The following CACNG1 variants were observed in gnomAD, a reference collection of about 807,000 sequenced individuals.
CACNG1 encodes the protein voltage-dependent calcium channel gamma-1 subunit.
Under a neutral mutation model 22.0 loss-of-function variants are expected in CACNG1, and 21 were observed. The observed-to-expected ratio is 0.95, with a 90% CI of 0.68 to 1.37. The LOEUF (loss-of-function observed/expected upper bound fraction) is 1.37, where lower values mean the gene tolerates loss of function less well. CACNG1 is among the 40% of genes most tolerant of loss of function. The pLI, the probability that CACNG1 is intolerant of heterozygous loss-of-function variation, is 0.00. For synonymous variants in CACNG1, 127 were observed against 129.2 expected, an observed-to-expected ratio of 0.98 and a Z score of 0.12; for missense variants, 291 against 308.6, an observed-to-expected ratio of 0.94 and a Z score of 0.43.
At chr17:67,045,725 G>T (rs1274138010) in intron 1 of CACNG1, among the ~76,000 whole-genome samples, 1 of 152,002 alleles carries the variant, frequency 6.6e-6, no homozygotes, top group Non-Finnish European at 1.5e-5. Flanking sequence ...GTTTCACCAT[G>T]TTGGTCAGGC....
rs754220584 is a variant in CACNG1 at position 67,044,908 on chromosome 17, G to A, written c.229+19G>A. On this transcript the variant is annotated intron_variant, in intron 1 of 3. Coordinates refer to ENST00000226021, the MANE Select transcript of CACNG1 (RefSeq NM_000727.4). The surrounding 1 kb of genome is among the most constrained non-coding windows in gnomAD (Gnocchi z 6.9). The stretch of plus-strand genomic sequence containing the variant: ...CCCGGGGGTAACGTACCCACCCTCC[G>A]TCCCGATCCCCACCTCCTGCTCTTC... The A allele has an allele frequency of 1.8e-5, 29 of 1,583,648 alleles. No homozygotes were observed. The highest frequency in any genetic ancestry group is 1.7e-4 in the Middle Eastern group (1 of 6,014).
Position 67,045,293 on chromosome 17 carries a change from C to A in CACNG1, c.229+404C>A, listed in dbSNP as rs78382300. On this transcript the variant is annotated intron_variant, in intron 1 of 3. Coordinates refer to ENST00000226021, the MANE Select transcript of CACNG1 (RefSeq NM_000727.4). The stretch of plus-strand genomic sequence containing the variant: ...TGGGGCTGGCAGGTTTGTTCCTGGC[C>A]TCAAGGCAGGAGAGGAGAGAGCATA... Among the ~76,000 whole-genome samples the A allele has an allele frequency of 3.1e-3, 476 of 152,262 alleles. 2 individuals carry two copies. Among genetic ancestry groups the A allele is most frequent in the African/African-American group, 0.011 (454 of 41,542 alleles).
chr17:67,045,985 G>A (rs1376103054), intron 1 of CACNG1, among the ~76,000 whole-genome samples: 2 of 152,250 alleles, frequency 1.3e-5, no homozygotes, highest in East Asian at 1.9e-4. Context: ...CTTTTCAGGA[G>A]TACCTGGTAG....
At position 67,045,719 on chromosome 17, in the gene CACNG1, C is replaced by T. The variant is rs562593714; in HGVS notation, c.229+830C>T. Among the ~76,000 whole-genome samples the T allele has an allele frequency of 3.9e-5, 6 of 152,078 alleles. No individual in the cohort carries two copies. The South Asian group carries it at 1.3e-3, about 32-fold the overall frequency. ...TGTACTTTCAGTAGAGACGGGGTTT[C>T]ACCATGTTGGTCAGGCTGGTCTCGA... On this transcript the variant is annotated intron_variant, in intron 1 of 3. Coordinates refer to ENST00000226021, the MANE Select transcript of CACNG1 (RefSeq NM_000727.4).
At chr17:67,049,875 G>A (rs1470417134) in intron 1 of CACNG1, among the ~76,000 whole-genome samples, 1 of 152,172 alleles carries the variant, frequency 6.6e-6, no homozygotes, top group Non-Finnish European at 1.5e-5. Context: ...AAATGTTGGA[G>A]GCTCAGTGGG....
Position 67,044,723 on chromosome 17 carries a change from G to A in CACNG1, c.63G>A (p.Val21=), listed in dbSNP as rs770089048. Residue 21 remains valine (V), a synonymous_variant, in exon 1 of 4, where the codon GTG becomes GTA. Transcript: ENST00000226021. This position sits in a 1 kb window ranked among gnomAD's most constrained non-coding sequence, Gnocchi z 6.9. ...TCTTCTGCATCCTGGCAGGCATCGT[G>A]CTGGCCATGACAGCCGTGGTAACCG... ...VTLFCILAGI[V]LAMTAVVTDH... The A allele has an allele frequency of 8.7e-6, 14 of 1,612,100 alleles. No individual in the cohort carries two copies. In the South Asian group the frequency reaches 1.4e-4, roughly 16 times the overall value.
In CACNG1 at chr17:67,056,041, C is replaced by T. The variant is rs778578397; in HGVS notation, c.443-4C>T. On this transcript the variant is annotated splice_polypyrimidine_tract_variant and splice_region_variant and intron_variant, in intron 3 of 3. Coordinates refer to ENST00000226021, the MANE Select transcript of CACNG1 (RefSeq NM_000727.4). This position sits in a 1 kb window ranked among gnomAD's most constrained non-coding sequence, Gnocchi z 4.3. The stretch of plus-strand genomic sequence containing the variant: ...TCCCTGAGCATGCCTGGCTCTGCCC[C>T]CAGGTCTCTGCATCCTCGTCTCGGT... The T allele has an allele frequency of 6.2e-7, 1 of 1,608,912 alleles. No homozygotes were observed. The highest frequency in any genetic ancestry group is 1.7e-5 in the Admixed American group (1 of 60,006).
In CACNG1 at chr17:67,054,914, C is replaced by T. The variant is rs1182036225; in HGVS notation, c.305-189C>T. On this transcript the variant is annotated intron_variant, in intron 2 of 3. Coordinates refer to ENST00000226021, the MANE Select transcript of CACNG1 (RefSeq NM_000727.4). This position sits in a 1 kb window ranked among gnomAD's most constrained non-coding sequence, Gnocchi z 4.6. ...TGACACACAATGACACACACAGACACTGACACACACACAGATACACACATA... is the reference window on the plus strand; with the variant it reads ...TGACACACAATGACACACACAGACATTGACACACACACAGATACACACATA... Among the ~76,000 whole-genome samples the T allele has an allele frequency of 6.7e-6, 1 of 148,720 alleles. No individual in the cohort carries two copies. The highest frequency in any genetic ancestry group is 1.5e-5 in the Non-Finnish European group (1 of 67,886).
chr17:67,053,301 C>T (rs1355495339), intron 1 of CACNG1, among the ~76,000 whole-genome samples: 1 of 152,246 alleles, frequency 6.6e-6, no homozygotes, highest in African/African-American at 2.4e-5. Context: ...GGGCCTGGAG[C>T]AGGGTTCCCA....
chr17:67,047,414 T>A (rs930464737), intron 1 of CACNG1, among the ~76,000 whole-genome samples: 1 of 152,180 alleles, frequency 6.6e-6, no homozygotes, highest in Admixed American at 6.5e-5. Context: ...TATTCCTGTT[T>A]CCCTTTCCCA....
chr17:67,048,717 A>G (rs9891796), intron 1 of CACNG1, among the ~76,000 whole-genome samples: 2,057 of 152,122 alleles, frequency 0.014, 49 homozygotes, highest in African/African-American at 0.047. Context: ...ACTATCAATT[A>G]AGACACAGAA....
At position 67,055,939 on chromosome 17, in the gene CACNG1, C is replaced by A; in HGVS notation, c.443-106C>A. Reference sequence around the variant, plus strand: ...TAGAACCTGCCTTGAGGCAGCTTTTCCCCCAAGGCAAGGTCACCGCCTCCT... The same window carrying A: ...TAGAACCTGCCTTGAGGCAGCTTTTACCCCAAGGCAAGGTCACCGCCTCCT... On this transcript the variant is annotated intron_variant, in intron 3 of 3. Coordinates refer to ENST00000226021, the MANE Select transcript of CACNG1 (RefSeq NM_000727.4). The surrounding 1 kb of genome is among the most constrained non-coding windows in gnomAD (Gnocchi z 4.5). 1.2e-6 allele frequency: 1 copy of A among 844,204 alleles called. No homozygotes were observed. The highest frequency in any genetic ancestry group is 1.9e-6 in the Non-Finnish European group (1 of 528,950). The allele number at this position is 844,204 out of a possible 1,614,324, so 52.3% of individuals were successfully genotyped here.
chr17:67,049,830 G>A (rs1250536095), intron 1 of CACNG1, among the ~76,000 whole-genome samples: 1 of 152,236 alleles, frequency 6.6e-6, no homozygotes, highest in Non-Finnish European at 1.5e-5. Flanking sequence ...AGCTGGTGCA[G>A]TGGAGCAGAC....
At chr17:67,049,698 C>G (rs1019751507) in intron 1 of CACNG1, among the ~76,000 whole-genome samples, 2 of 152,152 alleles carry the variant, frequency 1.3e-5, no homozygotes, top group African/African-American at 4.8e-5. Context: ...GCCTCCTTTC[C>G]CTCCAGTTCC....
chr17:67,046,015 T>C (rs893224773), intron 1 of CACNG1, among the ~76,000 whole-genome samples: 1 of 152,212 alleles, frequency 6.6e-6, no homozygotes, highest in African/African-American at 2.4e-5. Context: ...TAGCCTCTAT[T>C]CTGCAAATGC....
Position 67,054,138 on chromosome 17 carries a change from G to C in CACNG1, c.304+68G>C. On this transcript the variant is annotated intron_variant, in intron 2 of 3. Coordinates refer to ENST00000226021, the MANE Select transcript of CACNG1 (RefSeq NM_000727.4). This position sits in a 1 kb window ranked among gnomAD's most constrained non-coding sequence, Gnocchi z 4.6. ...TTCTGTGTTGTGCACCACTGGGCCA[G>C]AAAGTCATTGGCAAAAGCACTGACT... The C allele has an allele frequency of 4.7e-6, 6 of 1,265,844 alleles. No individual in the cohort carries two copies. The Admixed American group carries it at 1.0e-4, about 21-fold the overall frequency. 78.4% of individuals were successfully genotyped at this position (1,265,844 alleles called of 1,614,324 possible).
At chr17:67,048,014 T>A (rs1489251697) in intron 1 of CACNG1, among the ~76,000 whole-genome samples, 1 of 152,070 alleles carries the variant, frequency 6.6e-6, no homozygotes, top group Non-Finnish European at 1.5e-5. Flanking sequence ...TTTAGGAAAT[T>A]TATAATTGGT....
chr17:67,049,395 G>A (rs1048583483), intron 1 of CACNG1, among the ~76,000 whole-genome samples: 1 of 152,182 alleles, frequency 6.6e-6, no homozygotes, highest in Non-Finnish European at 1.5e-5. Flanking sequence ...CAGGTGATGA[G>A]CAGAGCAGCC....
intron 1 of CACNG1, among the ~76,000 whole-genome samples, chr17:67,049,109 C>T: frequency 6.6e-6 from 1 of 152,156 alleles, no homozygotes; most frequent in East Asian, 1.9e-4. Context: ...AAGGGATCCA[C>T]ATCTAGACAC....
Sources: gnomAD v4.1 joint callset for allele counts (sites outside exome capture counted in the v4.1 genomes callset) on GRCh38, gnomAD v4.1.1 for gene constraint, Gnocchi (gnomAD v3.1) non-coding constraint, MANE v1.5 for transcripts, NCBI Gene and HGNC (gene_info 2026-07-23, HGNC 2026-07-21) for gene names.